Variants in TDRD9 observed in about 807,000 individuals in gnomAD.
TDRD9 encodes the protein ATP-dependent RNA helicase TDRD9.
A neutral mutation model predicts 172.6 loss-of-function variants in TDRD9; 124 were observed. The ratio of observed to expected loss-of-function variants is 0.72; its 90% confidence interval spans 0.62 to 0.83. The LOEUF (loss-of-function observed/expected upper bound fraction) is 0.83, where lower values mean the gene tolerates loss of function less well. Ranked by LOEUF, TDRD9 falls within the 40% of genes least tolerant of loss-of-function variation. The pLI is 0.00. For synonymous variants in TDRD9, 619 were observed against 617.1 expected (o/e 1.00, Z -0.05); for missense variants, 1,479 against 1,714.1 (o/e 0.86, Z 2.42).
intron 1 of TDRD9, among the ~76,000 whole-genome samples, chr14:103,933,631 C>T (rs2030549828): frequency 6.6e-6 from 1 of 152,122 alleles, no homozygotes; most frequent in African/African-American, 2.4e-5. Flanking sequence ...TTGTCTCAAA[C>T]TCCTGAGCTC....
At chr14:103,994,101 G>A (rs1405828948) in intron 9 of TDRD9, among the ~76,000 whole-genome samples, 1 of 152,220 alleles carries the variant, frequency 6.6e-6, no homozygotes, top group African/African-American at 2.4e-5. Context: ...TCACTGCTGT[G>A]TAAAGGAAAA....
At chr14:104,040,436 A>T in intron 33 of TDRD9, 102 bp downstream of exon 33, 1 of 1,245,190 alleles carries the variant, frequency 8.0e-7, no homozygotes, top group Non-Finnish European at 1.1e-6. Flanking sequence ...CGGTGCAGAC[A>T]CACACCTCTG....
chr14:104,033,863 C>A (rs1051609251), intron 30 of TDRD9, 97 bp from the exon 31 acceptor site: 8 of 717,352 alleles, frequency 1.1e-5, no homozygotes, highest in African/African-American at 1.8e-5. Flanking sequence ...TGCAGTTGCC[C>A]GTTTGTATTT....
chr14:103,994,355 C>A lies in TDRD9; in HGVS notation c.1204C>A (p.His402Asn). The change falls in exon 10 of 36, where the codon CAT becomes AAT. Residue 402 changes from histidine (H) to asparagine (N), a missense_variant. By Grantham distance (68) the His-to-Asn change is moderately conservative (BLOSUM62 1). Around this residue, in one of 3 missense-constraint regions of TDRD9, gnomAD observed 1,413 missense variants for 1,649.1 expected, o/e 0.86. Transcript: ENST00000409874. Reference sequence around the variant, plus strand: ...AGGTCTGGGTGAAATAAATTATATGCATGAACTTCTCACAAGCCTGGTTCA... The same window carrying A: ...AGGTCTGGGTGAAATAAATTATATGAATGAACTTCTCACAAGCCTGGTTCA... ...LPGLGEINYM[H>N]ELLTSLVHKR... 1 of 1,613,638 alleles carries A rather than the reference C, an allele frequency of 6.2e-7. No homozygotes were observed. The highest frequency in any genetic ancestry group is 2.2e-5 in the East Asian group (1 of 44,830).
chr14:103,963,038 TAAG>T, intron 2 of TDRD9, 38 bp from the exon 3 acceptor site: 1 of 1,210,390 alleles, frequency 8.3e-7, no homozygotes, highest in Non-Finnish European at 1.2e-6. Context: ...TTTTTCCAGA[TAAG>T]AAATGGCATT....
chr14:104,036,350 A>T (rs1156780024), intron 32 of TDRD9, among the ~76,000 whole-genome samples: 2 of 152,104 alleles, frequency 1.3e-5, no homozygotes, highest in East Asian at 3.9e-4. Flanking sequence ...TTGAAATGTG[A>T]CCTAATTTTG....
intron 32 of TDRD9, among the ~76,000 whole-genome samples, 186 bp downstream of exon 32, chr14:104,035,242 G>A (rs1397345696): frequency 2.0e-5 from 3 of 152,048 alleles, no homozygotes; most frequent in Non-Finnish European, 4.4e-5. Context: ...TTTGAAAGAA[G>A]CTCAGAAAGC....
At chr14:103,972,032 C>T (rs1007411912) in intron 6 of TDRD9, among the ~76,000 whole-genome samples, 1 of 152,050 alleles carries the variant, frequency 6.6e-6, no homozygotes, top group Non-Finnish European at 1.5e-5. Context: ...TGGTGTGTGT[C>T]TGTGGTCCCA....
At chr14:103,996,693 T>C (rs2034071243) in intron 12 of TDRD9, among the ~76,000 whole-genome samples, 1 of 152,102 alleles carries the variant, frequency 6.6e-6, no homozygotes, top group Admixed American at 6.5e-5. Context: ...ACCAGCGAAA[T>C]AGCAGTAAGC....
intron 34 of TDRD9, among the ~76,000 whole-genome samples, chr14:104,047,360 AGTT>A (rs1399255155): frequency 6.6e-6 from 1 of 152,040 alleles, no homozygotes; most frequent in Admixed American, 6.5e-5. Flanking sequence ...GTATTCTAGT[AGTT>A]GTTTGTAGAT....
intron 7 of TDRD9, among the ~76,000 whole-genome samples, chr14:103,981,840 T>C (rs143342444): frequency 2.6e-5 from 4 of 152,286 alleles, no homozygotes; most frequent in African/African-American, 9.6e-5. Flanking sequence ...AAAATATAAG[T>C]TAAATCATTG....
chr14:103,982,377 C>G (rs2033506984), intron 7 of TDRD9, among the ~76,000 whole-genome samples: 1 of 152,202 alleles, frequency 6.6e-6, no homozygotes, highest in Admixed American at 6.5e-5. Context: ...GCCACTCAGA[C>G]TGCACCTGCC....
At position 103,986,271 on chromosome 14, in the gene TDRD9, G is replaced by T; in HGVS notation, c.1066G>T (p.Ala356Ser). Residue 356 changes from alanine (A) to serine (S), a missense_variant, in exon 8 of 36, where the codon GCT becomes TCT. Physicochemically the swap from Ala to Ser is moderately conservative, Grantham distance 99. This residue lies in a region of TDRD9 where 1,413 missense variants were observed against 1,649.1 expected (regional missense o/e 0.86). Transcript: ENST00000409874. ...GATAACTAAGGATATATATGAAGTT[G>T]CTGTCTCTCTCATTCAGATGTTTGA... is the stretch of plus-strand genomic sequence containing the variant. ...PVITKDIYEVAVSLIQMFDDL... is the reference protein window; with the variant it reads ...PVITKDIYEVSVSLIQMFDDL... 6.2e-7 allele frequency: 1 copy of T among 1,613,424 alleles called. No individual in the cohort carries two copies. The highest frequency in any genetic ancestry group is 1.1e-5 in the South Asian group (1 of 90,948).
chr14:104,005,222 T>C (rs2034397027), intron 14 of TDRD9, 52 bp from the exon 15 acceptor site: 4 of 1,600,916 alleles, frequency 2.5e-6, no homozygotes, highest in Non-Finnish European at 3.4e-6. Flanking sequence ...GTGAATCGGC[T>C]AACTGATTTA....
chr14:104,013,625 C>G (rs759573036), intron 20 of TDRD9: 19 of 152,210 alleles, frequency 1.2e-4, no homozygotes, highest in Admixed American at 4.6e-4. Context: ...TAATTAATTT[C>G]TAAGAAGATG....
At chr14:103,945,863 A>G (rs1314980304) in intron 1 of TDRD9, among the ~76,000 whole-genome samples, 7 of 152,260 alleles carry the variant, frequency 4.6e-5, no homozygotes, top group African/African-American at 9.6e-5. Context: ...GGAGCCAGAC[A>G]TAACTTTTTA....
intron 7 of TDRD9, among the ~76,000 whole-genome samples, chr14:103,985,618 C>T (rs1365529511): frequency 6.6e-6 from 1 of 152,110 alleles, no homozygotes; most frequent in Non-Finnish European, 1.5e-5. Flanking sequence ...GGCAAGTTTA[C>T]ATTATCTGGT....
chr14:103,994,081 C>T (rs2033969752), intron 9 of TDRD9, among the ~76,000 whole-genome samples: 1 of 152,108 alleles, frequency 6.6e-6, no homozygotes, highest in Non-Finnish European at 1.5e-5. Flanking sequence ...TAGCTAACAC[C>T]CACAGGGAGT....
At chr14:103,955,320 C>G (rs958319600) in intron 1 of TDRD9, among the ~76,000 whole-genome samples, 1 of 151,996 alleles carries the variant, frequency 6.6e-6, no homozygotes, top group Admixed American at 6.6e-5. Flanking sequence ...GAGCTATGAT[C>G]ACAGCACTGT....
Sources: allele counts gnomAD v4.1 joint callset (sites outside exome capture counted in the v4.1 genomes callset), GRCh38; gene constraint gnomAD v4.1.1; regional missense constraint gnomAD v4.1.1; transcripts MANE v1.5; gene names NCBI Gene and HGNC (gene_info 2026-07-23, HGNC 2026-07-21).